Variants in RPS6KC1 observed in about 807,000 individuals in gnomAD.
RPS6KC1 encodes the protein inactive ribosomal protein S6 kinase delta-1.
RPS6KC1 carries 54 observed loss-of-function variants against 103.8 expected under a neutral mutation model. The ratio of observed to expected loss-of-function variants is 0.52; its 90% CI spans 0.42 to 0.65. RPS6KC1 has a LOEUF of 0.65. Among genes scored for constraint, RPS6KC1 ranks in the 30% least tolerant of loss-of-function variants. The pLI is 0.00. For missense variants in RPS6KC1, 1,151 were observed against 1,253.8 expected, an observed-to-expected ratio of 0.92 and a Z score of 1.24; for synonymous variants, 439 against 438.7, an observed-to-expected ratio of 1.00 and a Z score of -0.01.
At chr1:213,310,061 C>T in the RPS6KC1 span, among the ~76,000 whole-genome samples, 1 of 152,166 alleles carries the variant, frequency 6.6e-6, no homozygotes, top group Non-Finnish European at 1.5e-5. Flanking sequence ...ATACCTGGAT[C>T]TGACTCCTTC....
In RPS6KC1 at chr1:213,104,504, C is replaced by G; in HGVS notation, c.313C>G (p.Leu105Val). Residue 105 changes from leucine (L) to valine (V), a missense_variant, in exon 4 of 15, where the codon CTG becomes GTG. By Grantham distance (32) the Leu-to-Val change is conservative. Coordinates refer to ENST00000366960, the MANE Select transcript of RPS6KC1 (RefSeq NM_012424.6). ...IEERRQCAED[L>V]LQFSANIPAL... ...AGAGAGAAGACAATGTGCTGAAGAC[C>G]TGCTACAGTTCTCTGCCAATATTCC... is the stretch of plus-strand genomic sequence containing the variant. 6.2e-7 allele frequency: 1 copy of G among 1,612,788 alleles called. No individual in the cohort carries two copies. Among genetic ancestry groups the G allele is most frequent in the Non-Finnish European group, 8.5e-7 (1 of 1,179,156 alleles).
the RPS6KC1 span, among the ~76,000 whole-genome samples, chr1:213,566,935 A>G: frequency 6.6e-6 from 1 of 152,078 alleles, no homozygotes; most frequent in East Asian, 1.9e-4. Flanking sequence ...TCTTTTGCTC[A>G]TTGTGGATTG....
chr1:213,787,697 A>G, the RPS6KC1 span, among the ~76,000 whole-genome samples: 1 of 152,174 alleles, frequency 6.6e-6, no homozygotes, highest in Admixed American at 6.5e-5. Flanking sequence ...TCTGCTTTAG[A>G]CATAATACAT....
chr1:213,384,485 T>C, the RPS6KC1 span, among the ~76,000 whole-genome samples: 1 of 151,994 alleles, frequency 6.6e-6, no homozygotes, highest in South Asian at 2.1e-4. Flanking sequence ...TGGCAGACTA[T>C]GGAGGAGGTG....
chr1:213,360,115 T>C, the RPS6KC1 span, among the ~76,000 whole-genome samples: 1 of 152,236 alleles, frequency 6.6e-6, no homozygotes, highest in East Asian at 1.9e-4. Context: ...CCTTGCTAGG[T>C]TGGGGAAGTT....
the RPS6KC1 span, among the ~76,000 whole-genome samples, chr1:213,703,803 G>A: frequency 6.6e-6 from 1 of 151,940 alleles, no homozygotes; most frequent in African/African-American, 2.4e-5. Flanking sequence ...CTTTGAGATG[G>A]CCTTCTTTGG....
the RPS6KC1 span, among the ~76,000 whole-genome samples, chr1:213,659,636 G>T: frequency 6.0e-5 from 9 of 150,394 alleles, no homozygotes; most frequent in Non-Finnish European, 1.2e-4. Flanking sequence ...TTGTATTCAG[G>T]GTTTTTTTTT....
the RPS6KC1 span, among the ~76,000 whole-genome samples, chr1:213,488,679 A>G: frequency 6.6e-6 from 1 of 152,250 alleles, no homozygotes; most frequent in Non-Finnish European, 1.5e-5. Flanking sequence ...TCTGAACTCT[A>G]AGAATATTTC....
At chr1:213,601,970 C>T in the RPS6KC1 span, among the ~76,000 whole-genome samples, 1,644 of 43,452 alleles carry the variant, frequency 0.038, 185 homozygotes, top group East Asian at 0.47. Flanking sequence ...CTCCCTCCCT[C>T]CCTTCCTTCC....
At chr1:213,580,777 G>A in the RPS6KC1 span, among the ~76,000 whole-genome samples, 1 of 151,658 alleles carries the variant, frequency 6.6e-6, no homozygotes, top group Non-Finnish European at 1.5e-5. Flanking sequence ...TTTTTGCAAT[G>A]AAGTATTGTT....
chr1:213,198,034 C>T (rs776147473), intron 8 of RPS6KC1, among the ~76,000 whole-genome samples: 10 of 151,610 alleles, frequency 6.6e-5, no homozygotes, highest in Non-Finnish European at 1.0e-4. Context: ...CATTGTGTTA[C>T]GGTTTTATAG....
At chr1:213,727,934 C>A in the RPS6KC1 span, among the ~76,000 whole-genome samples, 1 of 152,118 alleles carries the variant, frequency 6.6e-6, no homozygotes, top group Non-Finnish European at 1.5e-5. Context: ...CGATAAAATG[C>A]GTATCTAAGA....
chr1:213,701,891 T>C, the RPS6KC1 span, among the ~76,000 whole-genome samples: 448 of 151,888 alleles, frequency 2.9e-3, 2 homozygotes, highest in African/African-American at 0.01. Flanking sequence ...TCTTTTGCAT[T>C]GTTTACATCA....
At chr1:213,657,355 A>G in the RPS6KC1 span, among the ~76,000 whole-genome samples, 1 of 152,216 alleles carries the variant, frequency 6.6e-6, no homozygotes, top group South Asian at 2.1e-4. Context: ...TGTAAGGAAC[A>G]TAGGGGTCAT....
chr1:213,520,340 A>G, the RPS6KC1 span, among the ~76,000 whole-genome samples: 2 of 152,204 alleles, frequency 1.3e-5, no homozygotes, highest in Non-Finnish European at 2.9e-5. Context: ...AACCCCTTAT[A>G]AAACCATCAG....
the RPS6KC1 span, among the ~76,000 whole-genome samples, chr1:213,715,716 G>T: frequency 2.5e-4 from 38 of 152,286 alleles, no homozygotes; most frequent in Non-Finnish European, 1.5e-5. Flanking sequence ...AATGCAATTG[G>T]ATCAGATTAG....
At chr1:213,149,673 G>A (rs1250127507) in intron 6 of RPS6KC1, among the ~76,000 whole-genome samples, 3 of 152,202 alleles carry the variant, frequency 2.0e-5, no homozygotes, top group Admixed American at 1.3e-4. Flanking sequence ...TTGGTCTGTA[G>A]TGTAGATTAA....
the RPS6KC1 span, among the ~76,000 whole-genome samples, chr1:213,787,060 G>T: frequency 6.6e-6 from 1 of 152,138 alleles, no homozygotes; most frequent in Non-Finnish European, 1.5e-5. Flanking sequence ...ACTGACAACG[G>T]CTTCTGTCCT....
chr1:213,826,334 A>G, the RPS6KC1 span, among the ~76,000 whole-genome samples: 1 of 152,210 alleles, frequency 6.6e-6, no homozygotes, highest in African/African-American at 2.4e-5. Context: ...ACTAAATTAT[A>G]TCACTATAAA....
Sources: gnomAD v4.1 joint callset for allele counts (sites outside exome capture counted in the v4.1 genomes callset) on GRCh38, gnomAD v4.1.1 for gene constraint, MANE v1.5 for transcripts, NCBI Gene and HGNC (gene_info 2026-07-23, HGNC 2026-07-21) for gene names.